The following BBS9 variants were observed in gnomAD, a reference collection of about 807,000 sequenced individuals.
BBS9 encodes Bardet-Biedl syndrome 9.
In BBS9, 89 loss-of-function variants were observed where a neutral mutation model predicts 117.7. The observed-to-expected ratio is 0.76, with a 90% CI of 0.64 to 0.90. The LOEUF (loss-of-function observed/expected upper bound fraction) is 0.90. Ranked by LOEUF, BBS9 falls within the 40% of genes least tolerant of loss-of-function variation. The pLI, the probability that BBS9 is intolerant of heterozygous loss-of-function variation, is 0.00. For synonymous variants in BBS9, 379 were observed against 370.9 expected, an observed-to-expected ratio of 1.02 and a Z score of -0.25; for missense variants, 982 against 1,042.2, an observed-to-expected ratio of 0.94 and a Z score of 0.80.
chr7:33,521,895 CCT>C (rs1848665125), intron 20 of BBS9, among the ~76,000 whole-genome samples: 2 of 109,708 alleles, frequency 1.8e-5, no homozygotes, highest in African/African-American at 6.8e-5. Context: ...ATCCCTCCCC[CCT>C]CCCCCCACCC....
chr7:33,562,616 T>C (rs1236952654), intron 21 of BBS9, among the ~76,000 whole-genome samples: 1 of 152,072 alleles, frequency 6.6e-6, no homozygotes. Context: ...GGAAATGTAG[T>C]GACAGAAGCC....
chr7:33,229,128 C>T (rs1379481677), intron 5 of BBS9, among the ~76,000 whole-genome samples: 1 of 152,032 alleles, frequency 6.6e-6, no homozygotes, highest in African/African-American at 2.4e-5. Context: ...AAAAAGATTA[C>T]TATAGTGAAA....
At chr7:33,152,054 G>A (rs561983999) in intron 2 of BBS9, among the ~76,000 whole-genome samples, 1 of 152,094 alleles carries the variant, frequency 6.6e-6, no homozygotes, top group Non-Finnish European at 1.5e-5. Flanking sequence ...TCTCTGTTCT[G>A]TCCTCTTAAA....
intron 19 of BBS9, among the ~76,000 whole-genome samples, chr7:33,396,603 C>T (rs189246650): frequency 3.6e-4 from 55 of 152,254 alleles, no homozygotes; most frequent in African/African-American, 1.3e-3. Context: ...TAGATTAACG[C>T]TATTCCCATT....
rs1748334119 is a variant in BBS9 at position 33,137,486 on chromosome 7, G to A, written c.-12+7445G>A. Among the ~76,000 whole-genome samples, 4 of 152,320 alleles carry A rather than the reference G, an allele frequency of 2.6e-5. No homozygotes were observed. The South Asian group carries it at 8.3e-4, about 32-fold the overall frequency. ...CCGCAGAGTGGGCAGCCCCTGCCAT[G>A]CCTCCCCCGCTGCAGCCAGTGTCTT... On this transcript the variant is annotated intron_variant, in intron 1 of 22. Coordinates refer to ENST00000242067, the MANE Select transcript of BBS9 (RefSeq NM_198428.3).
chr7:33,629,371 CTTTGTTTTTTGTTTG>C (rs1865785085), intron 21 of BBS9, among the ~76,000 whole-genome samples: 1 of 151,836 alleles, frequency 6.6e-6, no homozygotes, highest in Admixed American at 6.6e-5. Context: ...TTTTTGTTTC[CTTTGTTTTTTGTTTG>C]TTTGTTTTTT....
chr7:33,204,983 T>C (rs184284948), intron 5 of BBS9, among the ~76,000 whole-genome samples: 49 of 152,332 alleles, frequency 3.2e-4, no homozygotes, highest in African/African-American at 1.1e-3. Flanking sequence ...CTGTCTTTAC[T>C]GGGTTACTGT....
intron 5 of BBS9, among the ~76,000 whole-genome samples, chr7:33,241,841 T>C (rs898738052): frequency 6.6e-6 from 1 of 152,164 alleles, no homozygotes; most frequent in Non-Finnish European, 1.5e-5. Context: ...CTGCTTTTAT[T>C]TCCTTAAACA....
At chr7:33,461,303 C>T (rs1839434385) in intron 19 of BBS9, among the ~76,000 whole-genome samples, 1 of 151,894 alleles carries the variant, frequency 6.6e-6, no homozygotes, top group Admixed American at 6.6e-5. Flanking sequence ...GAGGAACAGC[C>T]AAGTGGTCTT....
chr7:33,244,683 C>A (rs10225173), intron 5 of BBS9, among the ~76,000 whole-genome samples: 29 of 151,844 alleles, frequency 1.9e-4, no homozygotes, highest in African/African-American at 6.5e-4. Context: ...CAACCCATTG[C>A]GGTATAGAGG....
chr7:33,130,620 C>T (rs1789445260), intron 1 of BBS9, among the ~76,000 whole-genome samples: 1 of 151,980 alleles, frequency 6.6e-6, no homozygotes, highest in Admixed American at 6.6e-5. Flanking sequence ...AAAGATGCTG[C>T]AGGATAAGCT....
chr7:33,437,871 G>T lies in BBS9; in HGVS notation c.2115+49727G>T, dbSNP rs536454550. Among the ~76,000 whole-genome samples, 4 of 152,190 alleles carry T rather than the reference G, an allele frequency of 2.6e-5. No individual in the cohort carries two copies. The East Asian group carries it at 7.7e-4, about 29-fold the overall frequency. ...AGCCTGGGCAACAGAGTGAGACTCC[G>T]TTGCAAAAACAAAACAAATAAAAAC... On this transcript the variant is annotated intron_variant, in intron 19 of 22. Transcript: ENST00000242067.
chr7:33,373,235 AAAAC>A (rs1823194322), intron 17 of BBS9, among the ~76,000 whole-genome samples: 1 of 152,186 alleles, frequency 6.6e-6, no homozygotes, highest in South Asian at 2.1e-4. Flanking sequence ...AGAAAGAAAA[AAAAC>A]AAGTTACTCA....
At chr7:33,198,796 A>G (rs1785350798) in intron 5 of BBS9, among the ~76,000 whole-genome samples, 1 of 151,958 alleles carries the variant, frequency 6.6e-6, no homozygotes, top group South Asian at 2.1e-4. Flanking sequence ...AATGAATTTT[A>G]TTAGGTGTTA....
At chr7:33,404,956 A>G (rs905450534) in intron 19 of BBS9, among the ~76,000 whole-genome samples, 7 of 152,116 alleles carry the variant, frequency 4.6e-5, no homozygotes, top group Non-Finnish European at 1.0e-4. Context: ...GTTTTTGCCC[A>G]TTCAGTATGA....
chr7:33,225,952 T>G (rs1277625189), intron 5 of BBS9, among the ~76,000 whole-genome samples: 1 of 152,256 alleles, frequency 6.6e-6, no homozygotes, highest in East Asian at 1.9e-4. Flanking sequence ...TGTGTGCATA[T>G]GCACACATTT....
chr7:33,264,386 T>C lies in BBS9; in HGVS notation c.702+12T>C. 2 of 1,512,346 alleles carry C rather than the reference T, an allele frequency of 1.3e-6. No individual in the cohort carries two copies. The highest frequency in any genetic ancestry group is 2.3e-5 in the East Asian group (1 of 43,838). 93.7% of individuals were successfully genotyped at this position (1,512,346 alleles called of 1,614,324 possible). On this transcript the variant is annotated intron_variant, in intron 7 of 22. Transcript: ENST00000242067. ...GAAAAAGACTAGTTGTAAGGCCTTTTTTTAATATATAAAAATTTCAATAAT... is the reference window on the plus strand; with the variant it reads ...GAAAAAGACTAGTTGTAAGGCCTTTCTTTAATATATAAAAATTTCAATAAT...
intron 19 of BBS9, among the ~76,000 whole-genome samples, chr7:33,493,726 C>A (rs1844341961): frequency 6.6e-6 from 1 of 152,126 alleles, no homozygotes; most frequent in African/African-American, 2.4e-5. Context: ...CGTCAAGTAG[C>A]TAGAAATCTG....
intron 19 of BBS9, among the ~76,000 whole-genome samples, chr7:33,469,287 C>G (rs905645139): frequency 5.3e-5 from 8 of 152,052 alleles, no homozygotes; most frequent in African/African-American, 1.7e-4. Context: ...AAATTGTAGC[C>G]CATGATGTCT....
Sources: allele counts gnomAD v4.1 joint callset (sites outside exome capture counted in the v4.1 genomes callset), GRCh38; gene constraint gnomAD v4.1.1; transcripts MANE v1.5; gene names NCBI Gene and HGNC (gene_info 2026-07-23, HGNC 2026-07-21).